Variants in MFGE8 observed in about 807,000 individuals in gnomAD.
MFGE8 encodes the protein lactadherin.
A neutral mutation model predicts 42.6 loss-of-function variants in MFGE8; 34 were observed. That is an observed-to-expected ratio of 0.80 (90% CI 0.61 to 1.06). The LOEUF (loss-of-function observed/expected upper bound fraction) is 1.06, where lower values mean the gene tolerates loss of function less well. Among genes scored for constraint, MFGE8 ranks in the 50% least tolerant of loss-of-function variants. MFGE8 has a pLI of 0.00. For missense variants in MFGE8, 510 were observed against 516.9 expected (o/e 0.99, Z 0.13); for synonymous variants, 230 against 214.8 (o/e 1.07, Z -0.62).
chr15:88,912,427 C>T, intron 1 of MFGE8: 16 of 985,392 alleles, frequency 1.6e-5, no homozygotes, highest in Non-Finnish European at 1.9e-5. Flanking sequence ...CTGTTACCTA[C>T]CTTGCTTCAG....
Position 88,902,700 on chromosome 15 carries a change from A to T in MFGE8, c.686-965T>A, listed in dbSNP as rs1898490274. ...CTTGCACTTGTATCTGCACCTGCAT[A>T]TGGATAGAACAGTTGGGGATGGGCA... On this transcript the variant is annotated intron_variant, in intron 5 of 7. Transcript: ENST00000268150. This position sits in a 1 kb window ranked among gnomAD's most constrained non-coding sequence, Gnocchi z 4.3. 1 of 152,248 alleles carries T rather than the reference A, an allele frequency of 6.6e-6. No individual in the cohort carries two copies. Among genetic ancestry groups the T allele is most frequent in the South Asian group, 2.1e-4 (1 of 4,834 alleles). 9.4% of individuals were successfully genotyped at this position (152,248 alleles called of 1,614,324 possible).
At chr15:88,909,750 T>C in intron 2 of MFGE8, 42 bp downstream of exon 2, 1 of 1,612,456 alleles carries the variant, frequency 6.2e-7, no homozygotes, top group Non-Finnish European at 8.5e-7. Flanking sequence ...TGGCTCAGGG[T>C]CTACTGCTAG....
At position 88,901,671 on chromosome 15, in the gene MFGE8, G is replaced by A; in HGVS notation, c.750C>T (p.Ser250=). The change falls in exon 6 of 8, where the codon AGC becomes AGT. Residue 250 remains serine, a synonymous_variant. Transcript: ENST00000268150. ...SIPDKQITAS[S]SYKTWGLHLF... The stretch of plus-strand genomic sequence containing the variant: ...GATGCAAGCCCCAGGTCTTGTAGCT[G>A]CTGGAGGCCGTGATCTGCTTGTCAG... The A allele has an allele frequency of 6.2e-7, 1 of 1,613,904 alleles. No individual in the cohort carries two copies. Among genetic ancestry groups the A allele is most frequent in the Non-Finnish European group, 8.5e-7 (1 of 1,179,998 alleles).
chr15:88,899,245 G>T lies in MFGE8; in HGVS notation c.*150C>A. 9.5e-7 allele frequency: 1 copy of T among 1,055,928 alleles called. No homozygotes were observed. The allele number at this position is 1,055,928 out of a possible 1,614,324, so 65.4% of individuals were successfully genotyped here. On this transcript the variant is annotated 3_prime_UTR_variant, in exon 8 of 8. Coordinates refer to ENST00000268150, the MANE Select transcript of MFGE8 (RefSeq NM_005928.4). This position sits in a 1 kb window ranked among gnomAD's most constrained non-coding sequence, Gnocchi z 6.8. ...CCCGTGAGAGGTGGAGGGTGGGAAA[G>T]AGGGAGGGAGGGGTGACTGTGTGGT...
chr15:88,906,172 G>A lies in MFGE8; in HGVS notation c.541-271C>T, dbSNP rs1256766602. 1.8e-6 allele frequency: 1 copy of A among 544,914 alleles called. No individual in the cohort carries two copies. The highest frequency in any genetic ancestry group is 3.3e-6 in the Non-Finnish European group (1 of 303,070). 33.8% of individuals were successfully genotyped at this position (544,914 alleles called of 1,614,324 possible). A position where few individuals can be genotyped will look rare whatever the true frequency, so the allele number is the denominator to read the frequency against. On this transcript the variant is annotated intron_variant, in intron 4 of 7. Transcript: ENST00000268150. This position sits in a 1 kb window ranked among gnomAD's most constrained non-coding sequence, Gnocchi z 4.2. Reference sequence around the variant, plus strand: ...ACACAGGGCCACCTGTAACCTACAGGGTACCTCTTTGCAAATTAGGAAAAG... The same window carrying A: ...ACACAGGGCCACCTGTAACCTACAGAGTACCTCTTTGCAAATTAGGAAAAG...
At chr15:88,913,190 C>T in intron 1 of MFGE8, 57 bp downstream of exon 1, 2 of 1,478,392 alleles carry the variant, frequency 1.4e-6, no homozygotes, top group African/African-American at 1.5e-5. Flanking sequence ...GCCGGGCAAA[C>T]TTCCGAGCGG....
intron 2 of MFGE8, among the ~76,000 whole-genome samples, chr15:88,908,363 T>G (rs1898798307): frequency 6.6e-6 from 1 of 152,222 alleles, no homozygotes; most frequent in Admixed American, 6.5e-5. Context: ...GGCCAGTGGC[T>G]GAGCTGAGAT....
At position 88,905,813 on chromosome 15, in the gene MFGE8, G is replaced by A. The variant is rs140402364; in HGVS notation, c.629C>T (p.Thr210Met). ...CAGAGTGCAGGCCGTGTGGCAGCTC[G>A]TGGGGTACAATCTCACGTACTGAGC... ...VEAQYVRLYP[T>M]SCHTACTLRF... The change falls in exon 5 of 8, where the codon ACG becomes ATG. Residue 210 changes from threonine (T) to methionine (M), a missense_variant. By Grantham distance (81) the Thr-to-Met change is moderately conservative. Transcript: ENST00000268150. The surrounding 1 kb of genome is among the most constrained non-coding windows in gnomAD (Gnocchi z 6.6). 48 of 1,614,198 alleles carry A rather than the reference G, an allele frequency of 3.0e-5. No individual in the cohort carries two copies. The African/African-American group carries it at 5.2e-4, about 17-fold the overall frequency.
In MFGE8 at chr15:88,913,341, G is replaced by A. The variant is rs1206448012; in HGVS notation, c.-22C>T. On this transcript the variant is annotated 5_prime_UTR_variant, in exon 1 of 8. Coordinates refer to ENST00000268150, the MANE Select transcript of MFGE8 (RefSeq NM_005928.4). ...GCATGCTGCGGGGACGCGGGCGCTG[G>A]AATGGGCACGCTGGGCTGCTCAGAC... 41 of 1,423,094 alleles carry A rather than the reference G, an allele frequency of 2.9e-5. No individual in the cohort carries two copies. Among genetic ancestry groups the A allele is most frequent in the East Asian group, 2.9e-5 (1 of 34,320 alleles). 88.2% of individuals were successfully genotyped at this position (1,423,094 alleles called of 1,614,324 possible).
Position 88,907,349 on chromosome 15 carries a change from T to C in MFGE8, c.233A>G (p.Asn78Ser). 6.2e-7 allele frequency: 1 copy of C among 1,614,186 alleles called. No homozygotes were observed. The highest frequency in any genetic ancestry group is 1.1e-5 in the South Asian group (1 of 91,086). The stretch of plus-strand genomic sequence containing the variant: ...GATCTGTGAGTTGGCAATGTTCCCA[T>C]TCTCCAGGCCCAGTGGCTCGACACA... ...TKCVEPLGLE[N>S]GNIANSQIAA... Residue 78 changes from asparagine to serine, a missense_variant, in exon 3 of 8, where the codon AAT becomes AGT. Coordinates refer to ENST00000268150, the MANE Select transcript of MFGE8 (RefSeq NM_005928.4).
At chr15:88,904,680 A>C (rs971428520) in intron 5 of MFGE8, 1 of 152,290 alleles carries the variant, frequency 6.6e-6, no homozygotes, top group African/African-American at 2.4e-5. Flanking sequence ...AATACGGCTC[A>C]AAAGGGCCCC....
At position 88,899,510 on chromosome 15, in the gene MFGE8, T is replaced by C. The variant is rs754893541; in HGVS notation, c.1049A>G (p.Asn350Ser). Residue 350 changes from asparagine (N) to serine (S), a missense_variant, in exon 8 of 8, where the codon AAC (asparagine) becomes AGC (serine). Transcript: ENST00000268150. The surrounding 1 kb of genome is among the most constrained non-coding windows in gnomAD (Gnocchi z 6.8). ...SSKIFPGNWD[N>S]HSHKKNLFET... ...AAACAAGTTCTTCTTGTGGGAGTGG[T>C]TGTCCCAGTTGCCAGGGAAGATCTA... 5.0e-6 allele frequency: 8 copies of C among 1,614,126 alleles called. No individual in the cohort carries two copies. The East Asian group carries it at 1.3e-4, about 27-fold the overall frequency.
In MFGE8 at chr15:88,899,265, T is replaced by C; in HGVS notation, c.*130A>G. On this transcript the variant is annotated 3_prime_UTR_variant, in exon 8 of 8. Transcript: ENST00000268150. The surrounding 1 kb of genome is among the most constrained non-coding windows in gnomAD (Gnocchi z 6.8). ...GGAAAGAGGGAGGGAGGGGTGACTGTGTGGTGGTGCTGCCTCTGAACACCC... is the reference window on the plus strand; with the variant it reads ...GGAAAGAGGGAGGGAGGGGTGACTGCGTGGTGGTGCTGCCTCTGAACACCC... 8.0e-7 allele frequency: 1 copy of C among 1,245,018 alleles called. No homozygotes were observed. The allele number at this position is 1,245,018 out of a possible 1,614,324, so 77.1% of individuals were successfully genotyped here. A position where few individuals can be genotyped will look rare whatever the true frequency, so the allele number is the denominator to read the frequency against.
At chr15:88,910,301 G>A in intron 1 of MFGE8, 1 of 339,062 alleles carries the variant, frequency 2.9e-6, no homozygotes, top group East Asian at 7.6e-5. Context: ...TTGCAAAGGA[G>A]GCCCATGAGG....
At chr15:88,901,319 TCACACA>T (rs780002621) in intron 6 of MFGE8, among the ~76,000 whole-genome samples, 1 of 139,106 alleles carries the variant, frequency 7.2e-6, no homozygotes, top group Non-Finnish European at 1.6e-5. Flanking sequence ...ACACACACAT[TCACACA>T]CACACACACA....
rs1400632366 is a variant in MFGE8, at chr15:88,905,558, G to A, written c.685+199C>T. ...TATCAATCAGAATGCCCTGGGTCAT[G>A]GGTTGGCAGACAGCAAACACCTGGG... On this transcript the variant is annotated intron_variant, in intron 5 of 7. Transcript: ENST00000268150. The surrounding 1 kb of genome is among the most constrained non-coding windows in gnomAD (Gnocchi z 6.6). The A allele has an allele frequency of 1.4e-6, 1 of 724,126 alleles. No homozygotes were observed. Among genetic ancestry groups the A allele is most frequent in the East Asian group, 2.7e-5 (1 of 37,144 alleles). 44.9% of individuals were successfully genotyped at this position (724,126 alleles called of 1,614,324 possible).
intron 2 of MFGE8, among the ~76,000 whole-genome samples, chr15:88,908,321 A>C (rs925853126): frequency 1.3e-5 from 2 of 152,314 alleles, no homozygotes; most frequent in African/African-American, 4.8e-5. Flanking sequence ...GGGAACGCGC[A>C]AAGTGAGGCC....
chr15:88,901,851 T>C, intron 5 of MFGE8, 116 bp from the exon 6 acceptor site: 3 of 1,042,778 alleles, frequency 2.9e-6, no homozygotes, highest in Non-Finnish European at 4.4e-6. Flanking sequence ...TGTCATGCTC[T>C]TGGGCAACAG....
Position 88,899,815 on chromosome 15 carries a change from C to CAG in MFGE8, c.871-6_871-5dup. The CAG allele has an allele frequency of 6.2e-7, 1 of 1,613,950 alleles. No individual in the cohort carries two copies. The highest frequency in any genetic ancestry group is 8.5e-7 in the Non-Finnish European group (1 of 1,179,868). On this transcript the variant is annotated splice_region_variant and splice_polypyrimidine_tract_variant and intron_variant, in intron 6 of 7. Coordinates refer to ENST00000268150, the MANE Select transcript of MFGE8 (RefSeq NM_005928.4). This position sits in a 1 kb window ranked among gnomAD's most constrained non-coding sequence, Gnocchi z 6.8. ...CCTTCGAGGAGCCCAGGTCCACCTACAGAAGAAACCAACCACATTTTCTCT... is the reference window on the plus strand; with the variant it reads ...CCTTCGAGGAGCCCAGGTCCACCTACAGAGAAGAAACCAACCACATTTTCTCT...
Sources: allele counts gnomAD v4.1 joint callset (sites outside exome capture counted in the v4.1 genomes callset), GRCh38; gene constraint gnomAD v4.1.1; non-coding constraint Gnocchi (gnomAD v3.1); transcripts MANE v1.5; gene names NCBI Gene and HGNC (gene_info 2026-07-23, HGNC 2026-07-21).